GATAD2B: variants seen among roughly 807,000 people sequenced by gnomAD.
The protein encoded by GATAD2B is transcriptional repressor p66-beta.
GATAD2B carries 8 observed loss-of-function variants against 64.3 expected under a neutral mutation model. The ratio of observed to expected loss-of-function variants is 0.12; its 90% CI spans 0.07 to 0.22. The LOEUF (loss-of-function observed/expected upper bound fraction) is 0.22. Ranked by LOEUF, GATAD2B falls within the 10% of genes least tolerant of loss-of-function variation. GATAD2B has a pLI of 1.00. For synonymous variants in GATAD2B, 281 were observed against 271.3 expected, an observed-to-expected ratio of 1.04 and a Z score of -0.35; for missense variants, 453 against 752.0, an observed-to-expected ratio of 0.60 and a Z score of 4.65.
intron 1 of GATAD2B, among the ~76,000 whole-genome samples, chr1:153,868,709 A>G (rs1676558694): frequency 6.6e-6 from 1 of 151,032 alleles, no homozygotes. Context: ...ACATGTCACC[A>G]GTTTTCCCAC....
intron 8 of GATAD2B, 61 bp from the exon 9 acceptor site, chr1:153,812,193 T>A: frequency 3.5e-6 from 2 of 574,380 alleles, no homozygotes; most frequent in Non-Finnish European, 5.7e-6. Context: ...CAATTTCCTT[T>A]TTTTTTTTTT....
intron 2 of GATAD2B, among the ~76,000 whole-genome samples, chr1:153,820,630 CTT>C (rs935575331): frequency 6.7e-6 from 1 of 148,964 alleles, no homozygotes; most frequent in African/African-American, 2.5e-5. Context: ...TTCTTTGGTC[CTT>C]TTTTTTTTCC....
In GATAD2B at chr1:153,877,994, T is replaced by C. The variant is rs190454874; in HGVS notation, c.-2+44739A>G. On this transcript the variant is annotated intron_variant, in intron 1 of 10. Transcript: ENST00000368655. ...CCTCTAGGTTGTAGCAAGTTTGGTC[T>C]GTTGCTATTTTGTCTTTCAGTACTC... Among the ~76,000 whole-genome samples, 33 of 152,240 alleles carry C rather than the reference T, an allele frequency of 2.2e-4. 1 individual carries two copies. The East Asian group carries it at 3.3e-3, about 15-fold the overall frequency.
At chr1:153,897,068 G>A (rs1260447326) in intron 1 of GATAD2B, among the ~76,000 whole-genome samples, 4 of 145,132 alleles carry the variant, frequency 2.8e-5, no homozygotes, top group African/African-American at 5.1e-5. Flanking sequence ...TGTTGCTGTC[G>A]CCCAGGCTGG....
At position 153,832,215 on chromosome 1, in the gene GATAD2B, C is replaced by CA. The variant is rs34162294; in HGVS notation, c.-1-3868dup. On this transcript the variant is annotated intron_variant, in intron 1 of 10. Coordinates refer to ENST00000368655, the MANE Select transcript of GATAD2B (RefSeq NM_020699.4). ...AGGCGACAAGAGCAAGACTCCATCT[C>CA]AAAAAAAAAAAAGTTAGCCAAGTTG... 2.7e-3 allele frequency among the ~76,000 whole-genome samples: 395 copies of CA among 146,678 alleles called. 5 individuals are homozygous for CA. Among genetic ancestry groups the CA allele is most frequent in the African/African-American group, 8.3e-3 (328 of 39,670 alleles).
chr1:153,914,423 G>A (rs113018444), intron 1 of GATAD2B, among the ~76,000 whole-genome samples: 2 of 152,230 alleles, frequency 1.3e-5, no homozygotes, highest in African/African-American at 4.8e-5. Context: ...AGGAAACTAA[G>A]GCTCAGAGAC....
At chr1:153,811,030 G>A (rs777428667) in intron 10 of GATAD2B, among the ~76,000 whole-genome samples, 3 of 152,178 alleles carry the variant, frequency 2.0e-5, no homozygotes, top group South Asian at 2.1e-4. Flanking sequence ...CTCCCAAAGT[G>A]CTGGGATTAT....
rs35262137 is a variant in GATAD2B at position 153,839,108 on chromosome 1, CAAAAAAAAAA to C, written c.-1-10770_-1-10761del. Among the ~76,000 whole-genome samples the C allele has an allele frequency of 3.7e-4, 29 of 78,566 alleles. 1 individual carries two copies. Among genetic ancestry groups the C allele is most frequent in the South Asian group, 1.0e-3 (2 of 1,956 alleles). 51.5% of individuals were successfully genotyped at this position (78,566 alleles called of 152,430 possible). A position where few individuals can be genotyped will look rare whatever the true frequency, so the allele number is the denominator to read the frequency against. ...TGGGTGACAGAACGAGACCCTGTCT[CAAAAAAAAAA>C]AAAAAAAAAAAAAAAAGAAAGTTTA... On this transcript the variant is annotated intron_variant, in intron 1 of 10. Coordinates refer to ENST00000368655, the MANE Select transcript of GATAD2B (RefSeq NM_020699.4).
chr1:153,844,712 T>G (rs1315700915), intron 1 of GATAD2B, among the ~76,000 whole-genome samples: 1 of 125,336 alleles, frequency 8.0e-6, no homozygotes. Context: ...AATTGAACAA[T>G]GAGATCACAT....
intron 1 of GATAD2B, among the ~76,000 whole-genome samples, chr1:153,830,442 G>A (rs1675034887): frequency 1.4e-5 from 2 of 146,968 alleles, no homozygotes; most frequent in South Asian, 2.2e-4. Context: ...CACTGTGCCC[G>A]GCCTGTTTTT....
At chr1:153,847,590 A>T (rs1675733204) in intron 1 of GATAD2B, among the ~76,000 whole-genome samples, 2 of 152,048 alleles carry the variant, frequency 1.3e-5, no homozygotes, top group South Asian at 4.1e-4. Context: ...CTGCTTTCAT[A>T]AGATCTTTGT....
At chr1:153,896,430 T>C (rs1410891729) in intron 1 of GATAD2B, among the ~76,000 whole-genome samples, 1 of 142,058 alleles carries the variant, frequency 7.0e-6, no homozygotes, top group African/African-American at 2.5e-5. Flanking sequence ...ACAGTAAAAT[T>C]TTCTTTTTTT....
At chr1:153,814,146 T>G (rs1157186685) in intron 7 of GATAD2B, among the ~76,000 whole-genome samples, 1 of 152,254 alleles carries the variant, frequency 6.6e-6, no homozygotes, top group Non-Finnish European at 1.5e-5. Flanking sequence ...AAGACTGTAC[T>G]TATCCCTGTC....
At chr1:153,894,547 T>C (rs371881649) in intron 1 of GATAD2B, among the ~76,000 whole-genome samples, 9 of 151,952 alleles carry the variant, frequency 5.9e-5, no homozygotes, top group African/African-American at 2.2e-4. Context: ...TTTCTGTATG[T>C]ACATTATACC....
intron 1 of GATAD2B, among the ~76,000 whole-genome samples, chr1:153,838,286 A>G (rs1003158275): frequency 3.3e-5 from 5 of 152,232 alleles, no homozygotes; most frequent in Admixed American, 6.5e-5. Flanking sequence ...AAAGTCAGAC[A>G]TTAGGAGTAA....
At chr1:153,852,431 G>A (rs575676339) in intron 1 of GATAD2B, 56 of 765,630 alleles carry the variant, frequency 7.3e-5, no homozygotes, top group East Asian at 5.4e-4. Flanking sequence ...ACAGAAGGCC[G>A]TGGCATGTGG....
intron 1 of GATAD2B, among the ~76,000 whole-genome samples, chr1:153,861,144 A>G (rs1458015812): frequency 6.6e-6 from 1 of 152,214 alleles, no homozygotes; most frequent in African/African-American, 2.4e-5. Flanking sequence ...AGATTAACAG[A>G]AACGGATCCA....
intron 1 of GATAD2B, among the ~76,000 whole-genome samples, chr1:153,844,952 A>C (rs972145052): frequency 3.3e-5 from 5 of 152,216 alleles, no homozygotes; most frequent in Admixed American, 2.0e-4. Flanking sequence ...AGAGGCAAGA[A>C]AACATGACCC....
At chr1:153,851,775 C>A (rs941889836) in intron 1 of GATAD2B, among the ~76,000 whole-genome samples, 1 of 152,132 alleles carries the variant, frequency 6.6e-6, no homozygotes, top group Non-Finnish European at 1.5e-5. Context: ...TACCCCAGCC[C>A]GCATGAAGAT....
Sources: allele counts gnomAD v4.1 joint callset (sites outside exome capture counted in the v4.1 genomes callset), GRCh38; gene constraint gnomAD v4.1.1; transcripts MANE v1.5; gene names NCBI Gene and HGNC (gene_info 2026-07-23, HGNC 2026-07-21).